EBF2: variants seen among roughly 807,000 people sequenced by gnomAD.
EBF2 encodes EBF transcription factor 2.
A neutral mutation model predicts 72.8 loss-of-function variants in EBF2; 21 were observed. The ratio of observed to expected loss-of-function variants is 0.29; its 90% CI spans 0.20 to 0.42. The LOEUF is 0.42. Among genes scored for constraint, EBF2 ranks in the 10% least tolerant of loss-of-function variants. The pLI is 1.00. For synonymous variants in EBF2, 299 were observed against 274.2 expected (o/e 1.09, Z -0.89); for missense variants, 637 against 731.2 (o/e 0.87, Z 1.49).
intron 6 of EBF2, among the ~76,000 whole-genome samples, chr8:26,030,623 T>C (rs761650898): frequency 6.6e-6 from 1 of 151,930 alleles, no homozygotes; most frequent in Non-Finnish European, 1.5e-5. Context: ...CTGTTTATAG[T>C]AAGGTGGGCT....
At chr8:25,846,993 T>G (rs1031789240) in intron 15 of EBF2, among the ~76,000 whole-genome samples, 22 of 152,132 alleles carry the variant, frequency 1.4e-4, no homozygotes, top group Admixed American at 2.6e-4. Flanking sequence ...AGAATTTCAC[T>G]CTCATTGTCC....
intron 6 of EBF2, among the ~76,000 whole-genome samples, chr8:26,017,886 G>T (rs370912257): frequency 6.6e-6 from 1 of 152,194 alleles, no homozygotes; most frequent in Non-Finnish European, 1.5e-5. Flanking sequence ...CATCCTCCAA[G>T]GACTGGCTTT....
intron 14 of EBF2, among the ~76,000 whole-genome samples, chr8:25,854,944 G>C (rs1802057203): frequency 6.6e-6 from 1 of 152,050 alleles, no homozygotes. Context: ...GCGTAGGCTT[G>C]GTGGCTATTC....
At chr8:25,903,187 G>GTTTTTTTTTTTTTTTTTTTTTTT (rs542446501) in intron 7 of EBF2, among the ~76,000 whole-genome samples, 1 of 132,526 alleles carries the variant, frequency 7.5e-6, no homozygotes. Flanking sequence ...TTTTGTCTGG[G>GTTTTTTTTTTTTTTTTTTTTTTT]TTTTTTTTTT....
chr8:26,004,263 G>A lies in EBF2; in HGVS notation c.551+28822C>T, dbSNP rs138614607. ...CCAGTGAATGATCTGTCTCTAAACT[G>A]GCTAAATTTTGGTAAAATAGTTGCA... is the stretch of plus-strand genomic sequence containing the variant. On this transcript the variant is annotated intron_variant, in intron 6 of 15. Coordinates refer to ENST00000520164, the MANE Select transcript of EBF2 (RefSeq NM_022659.4). 1.9e-3 allele frequency among the ~76,000 whole-genome samples: 288 copies of A among 152,180 alleles called. 2 individuals are homozygous for A. Among genetic ancestry groups the A allele is most frequent in the Non-Finnish European group, 2.7e-3 (181 of 68,000 alleles).
chr8:26,013,280 C>A (rs1805056768), intron 6 of EBF2, among the ~76,000 whole-genome samples: 1 of 151,772 alleles, frequency 6.6e-6, no homozygotes, highest in Non-Finnish European at 1.5e-5. Flanking sequence ...CTATTTCTTC[C>A]CATATTCCTT....
chr8:25,965,841 A>T (rs1276386123), intron 6 of EBF2, among the ~76,000 whole-genome samples: 1 of 152,222 alleles, frequency 6.6e-6, no homozygotes, highest in African/African-American at 2.4e-5. Context: ...ACAGCAGATT[A>T]AGTAGAGCAG....
chr8:25,977,978 T>C (rs1563198085), intron 6 of EBF2, among the ~76,000 whole-genome samples: 1 of 152,152 alleles, frequency 6.6e-6, no homozygotes, highest in Non-Finnish European at 1.5e-5. Context: ...TGCAATTTTT[T>C]TTTCTTGACC....
At chr8:25,963,793 A>G (rs1804073185) in intron 6 of EBF2, among the ~76,000 whole-genome samples, 1 of 152,346 alleles carries the variant, frequency 6.6e-6, no homozygotes, top group Non-Finnish European at 1.5e-5. Context: ...TGAATGGAAT[A>G]TGTGGATTGC....
intron 6 of EBF2, among the ~76,000 whole-genome samples, chr8:25,915,284 A>G (rs1234105157): frequency 6.7e-6 from 1 of 148,542 alleles, no homozygotes; most frequent in Non-Finnish European, 1.5e-5. Context: ...AAGCTTTGGA[A>G]AAAAAAAAAA....
At chr8:25,984,626 G>A (rs1423586716) in intron 6 of EBF2, among the ~76,000 whole-genome samples, 2 of 151,982 alleles carry the variant, frequency 1.3e-5, no homozygotes, top group Non-Finnish European at 2.9e-5. Context: ...AGGTTGCAAT[G>A]AGCCGACAGG....
At chr8:26,028,762 T>C (rs1003712466) in intron 6 of EBF2, among the ~76,000 whole-genome samples, 1 of 152,204 alleles carries the variant, frequency 6.6e-6, no homozygotes, top group African/African-American at 2.4e-5. Flanking sequence ...CACAGGCCTT[T>C]ATAGACAAGA....
In EBF2 at chr8:26,042,163, A is replaced by C; in HGVS notation, c.220T>G (p.Tyr74Asp). The part of the protein sequence containing the change: ...SNFFHFVLAL[Y>D]DRQGQPVEIE... ...TCCACCGGCTGGCCCTGCCTGTCAT[A>C]GAGCGCCAGGACGAAGTGAAAGAAG... Residue 74 changes from tyrosine (Y) to aspartate (D), a missense_variant, in exon 2 of 16, where the codon TAT becomes GAT. Transcript: ENST00000520164. The C allele has an allele frequency of 6.2e-7, 1 of 1,614,180 alleles. No homozygotes were observed. Among genetic ancestry groups the C allele is most frequent in the East Asian group, 2.2e-5 (1 of 44,876 alleles).
At chr8:25,854,238 C>CAAA (rs372818134) in intron 14 of EBF2, among the ~76,000 whole-genome samples, 117 of 137,420 alleles carry the variant, frequency 8.5e-4, no homozygotes, top group African/African-American at 2.5e-3. Context: ...CCCCCACCTC[C>CAAA]AAAAAAAAAA....
chr8:26,005,689 G>A (rs1001503075), intron 6 of EBF2, among the ~76,000 whole-genome samples: 6 of 146,858 alleles, frequency 4.1e-5, no homozygotes, highest in Admixed American at 3.5e-4. Context: ...AAATAAGCTG[G>A]GCATGGTGGT....
intron 6 of EBF2, among the ~76,000 whole-genome samples, chr8:25,952,082 C>T (rs1803872436): frequency 6.6e-6 from 1 of 152,124 alleles, no homozygotes; most frequent in Non-Finnish European, 1.5e-5. Context: ...TGCTTGAGGC[C>T]AGGAGTTCCA....
chr8:25,854,658 G>A (rs761531465), intron 14 of EBF2, among the ~76,000 whole-genome samples: 3 of 151,948 alleles, frequency 2.0e-5, no homozygotes. Context: ...TATTTTAATA[G>A]GCTTTTTTTT....
At chr8:25,986,026 G>T (rs1457498458) in intron 6 of EBF2, among the ~76,000 whole-genome samples, 14 of 26,920 alleles carry the variant, frequency 5.2e-4, no homozygotes, top group East Asian at 2.7e-3. Flanking sequence ...AAAAAAAAAA[G>T]TACATGAGGG....
Position 26,044,876 on chromosome 8 carries a change from T to C in EBF2, c.-17A>G, listed in dbSNP as rs770310347. ...TCCAAACATTTAAAAAGTCTGATCCTCTACTGTCGCTTTAAAAGTAAGAGT... is the reference window on the plus strand; with the variant it reads ...TCCAAACATTTAAAAAGTCTGATCCCCTACTGTCGCTTTAAAAGTAAGAGT... On this transcript the variant is annotated 5_prime_UTR_variant, in exon 1 of 16. Coordinates refer to ENST00000520164, the MANE Select transcript of EBF2 (RefSeq NM_022659.4). The surrounding 1 kb of genome is among the most constrained non-coding windows in gnomAD (Gnocchi z 4.1). 1.9e-6 allele frequency: 3 copies of C among 1,612,826 alleles called. No homozygotes were observed. The South Asian group carries it at 3.3e-5, about 18-fold the overall frequency.
Sources: allele counts gnomAD v4.1 joint callset (sites outside exome capture counted in the v4.1 genomes callset), GRCh38; gene constraint gnomAD v4.1.1; non-coding constraint Gnocchi (gnomAD v3.1); transcripts MANE v1.5; gene names NCBI Gene and HGNC (gene_info 2026-07-23, HGNC 2026-07-21).